Variants in FGF13 observed in about 807,000 individuals in gnomAD.
The protein encoded by FGF13 is fibroblast growth factor homologous factor 2.
In FGF13, 2 loss-of-function variants were observed where a neutral mutation model predicts 19.5. The ratio of observed to expected loss-of-function variants is 0.10; its 90% CI spans 0.04 to 0.32. The LOEUF (loss-of-function observed/expected upper bound fraction) is 0.32. Ranked by LOEUF, FGF13 falls within the 10% of genes least tolerant of loss-of-function variation. The probability of loss-of-function intolerance (pLI) is 1.00; values close to 1 mark genes in which losing one functional copy is unlikely to be tolerated. For missense variants in FGF13, 113 were observed against 192.7 expected, an observed-to-expected ratio of 0.59 and a Z score of 2.45; for synonymous variants, 72 against 76.9, an observed-to-expected ratio of 0.94 and a Z score of 0.33.
downstream of FGF13, among the ~76,000 whole-genome samples, chrX:138,854,210 C>T (rs913515361): frequency 8.9e-5 from 10 of 111,809 alleles, no homozygotes; most frequent in African/African-American, 3.2e-4. Context: ...TTCCAGCACT[C>T]ACATAATATT....
At chrX:139,191,556 A>G (rs1051912349) in intron 1 of FGF13, among the ~76,000 whole-genome samples, 3 of 111,634 alleles carry the variant, frequency 2.7e-5, no homozygotes, top group African/African-American at 9.8e-5. Flanking sequence ...AAAACCATTT[A>G]TAACTCAAAG....
At chrX:138,884,607 C>A (rs1054524269) in intron 1 of FGF13, among the ~76,000 whole-genome samples, 2 of 112,022 alleles carry the variant, frequency 1.8e-5, no homozygotes, top group Admixed American at 1.9e-4. Flanking sequence ...CAAGGAATAT[C>A]TTTTTATTGT....
At chrX:139,134,486 C>T (rs2083784311) in intron 1 of FGF13, among the ~76,000 whole-genome samples, 1 of 111,203 alleles carries the variant, frequency 9.0e-6, no homozygotes, top group Admixed American at 9.6e-5. Flanking sequence ...TAGATAGCAT[C>T]TCTCACAGAA....
At chrX:139,133,986 T>C (rs1292655392) in intron 1 of FGF13, among the ~76,000 whole-genome samples, 2 of 111,656 alleles carry the variant, frequency 1.8e-5, no homozygotes, top group Non-Finnish European at 3.8e-5. Context: ...GCCACACTTG[T>C]CTTCCATCTT....
chrX:138,953,109 C>T (rs2091822390), intron 1 of FGF13, among the ~76,000 whole-genome samples: 1 of 111,180 alleles, frequency 9.0e-6, no homozygotes, highest in South Asian at 3.8e-4. Context: ...AATCATGCTG[C>T]TATAAAGACA....
chrX:138,883,489 G>C (rs1474301699), intron 1 of FGF13, among the ~76,000 whole-genome samples: 1 of 111,408 alleles, frequency 9.0e-6, no homozygotes, highest in African/African-American at 3.3e-5. Flanking sequence ...TCACTTTAAG[G>C]GGATGGAAGG....
At chrX:139,180,754 A>G (rs2084231867) in intron 1 of FGF13, among the ~76,000 whole-genome samples, 1 of 111,166 alleles carries the variant, frequency 9.0e-6, no homozygotes, top group African/African-American at 3.3e-5. Flanking sequence ...AGGTTGGCAC[A>G]CTGACCCCCT....
intron 1 of FGF13, among the ~76,000 whole-genome samples, chrX:138,930,320 T>C (rs1213759832): frequency 8.9e-6 from 1 of 112,682 alleles, no homozygotes; most frequent in Admixed American, 9.4e-5. Flanking sequence ...CTGAATTCAA[T>C]TAATAACTGC....
intron 1 of FGF13, among the ~76,000 whole-genome samples, chrX:138,946,233 G>C (rs1044171972): frequency 1.8e-5 from 2 of 111,428 alleles, no homozygotes; most frequent in Non-Finnish European, 3.8e-5. Context: ...CAATAAATGG[G>C]GGCTCTTTGT....
intron 3 of FGF13, among the ~76,000 whole-genome samples, chrX:138,801,822 C>T (rs1355680513): frequency 2.7e-5 from 3 of 112,433 alleles, no homozygotes; most frequent in Non-Finnish European, 5.6e-5. Context: ...TCCACAGCTG[C>T]TTTGCTGCAC....
chrX:138,779,063 C>T (rs1299248763), intron 3 of FGF13, among the ~76,000 whole-genome samples: 1 of 112,145 alleles, frequency 8.9e-6, no homozygotes, highest in African/African-American at 3.2e-5. Context: ...ACACTGACAC[C>T]TCACACTGCA....
intron 3 of FGF13, among the ~76,000 whole-genome samples, chrX:138,778,532 T>C (rs1316337188): frequency 8.9e-6 from 1 of 112,214 alleles, no homozygotes; most frequent in Non-Finnish European, 1.9e-5. Flanking sequence ...GAGTTCCCTT[T>C]CCTAGTCAAA....
At chrX:138,967,865 G>C (rs2091901139) in intron 1 of FGF13, among the ~76,000 whole-genome samples, 1 of 111,279 alleles carries the variant, frequency 9.0e-6, no homozygotes, top group African/African-American at 3.3e-5. Flanking sequence ...CACTCAATTA[G>C]TATGTTTGTA....
intron 1 of FGF13, among the ~76,000 whole-genome samples, chrX:139,112,718 T>C (rs945967509): frequency 8.9e-6 from 1 of 112,074 alleles, no homozygotes; most frequent in African/African-American, 3.2e-5. Context: ...ACCTGCCTTA[T>C]AGGCCAGTTG....
chrX:138,847,634 G>T (rs2091192238), intron 3 of FGF13, among the ~76,000 whole-genome samples: 1 of 111,568 alleles, frequency 9.0e-6, no homozygotes, highest in African/African-American at 3.3e-5. Flanking sequence ...CATTATTGAA[G>T]GTGCTATTCT....
chrX:139,066,241 C>T (rs766933855), intron 1 of FGF13, among the ~76,000 whole-genome samples: 93 of 111,210 alleles, frequency 8.4e-4, no homozygotes, highest in African/African-American at 2.9e-3. Context: ...AAATCAACAT[C>T]CGAAGATCAC....
At chrX:138,811,457 A>T (rs1384846968) in intron 3 of FGF13, among the ~76,000 whole-genome samples, 1 of 109,640 alleles carries the variant, frequency 9.1e-6, no homozygotes, top group Non-Finnish European at 1.9e-5. Context: ...GGGTGGGGGG[A>T]GTGTGGAGGG....
At chrX:138,891,500 A>G (rs1292673957) in intron 1 of FGF13, among the ~76,000 whole-genome samples, 1 of 110,965 alleles carries the variant, frequency 9.0e-6, no homozygotes, top group Non-Finnish European at 1.9e-5. Flanking sequence ...GAACTCATCT[A>G]AGCCTAATTA....
chrX:138,846,752 T>C (rs2091186479), intron 3 of FGF13, among the ~76,000 whole-genome samples: 1 of 112,624 alleles, frequency 8.9e-6, no homozygotes, highest in African/African-American at 3.2e-5. Context: ...GCACATTCCC[T>C]AGCCTAAAGA....
Sources: allele counts gnomAD v4.1 joint callset (sites outside exome capture counted in the v4.1 genomes callset), GRCh38; gene constraint gnomAD v4.1.1; transcripts MANE v1.5; gene names NCBI Gene and HGNC (gene_info 2026-07-23, HGNC 2026-07-21).